SKAP2: variants seen among roughly 807,000 people sequenced by gnomAD.
SKAP2 encodes src kinase-associated phosphoprotein 2.
A neutral mutation model predicts 54.9 loss-of-function variants in SKAP2; 28 were observed. The observed-to-expected ratio is 0.51, with a 90% CI of 0.38 to 0.70. The LOEUF is 0.70. Ranked by LOEUF, SKAP2 falls within the 30% of genes least tolerant of loss-of-function variation. The probability of loss-of-function intolerance (pLI) is 0.00; values close to 1 mark genes in which losing one functional copy is unlikely to be tolerated. For synonymous variants in SKAP2, 137 were observed against 134.3 expected, an observed-to-expected ratio of 1.02 and a Z score of -0.14; for missense variants, 356 against 424.1, an observed-to-expected ratio of 0.84 and a Z score of 1.41.
intron 1 of SKAP2, among the ~76,000 whole-genome samples, chr7:26,855,367 A>G (rs1299854035): frequency 6.6e-6 from 1 of 152,068 alleles, no homozygotes; most frequent in Non-Finnish European, 1.5e-5. Context: ...ATCAATTTTC[A>G]GGTATATCCA....
At chr7:26,704,865 C>T (rs933338149) in intron 9 of SKAP2, among the ~76,000 whole-genome samples, 1 of 152,124 alleles carries the variant, frequency 6.6e-6, no homozygotes, top group African/African-American at 2.4e-5. Flanking sequence ...AGTTTTGGCC[C>T]CCTAAAGGGA....
At chr7:26,817,016 C>T (rs1009480302) in intron 4 of SKAP2, among the ~76,000 whole-genome samples, 4 of 152,090 alleles carry the variant, frequency 2.6e-5, no homozygotes, top group African/African-American at 9.7e-5. Flanking sequence ...ACACCTAACT[C>T]ACTTTTCCTC....
intron 11 of SKAP2, among the ~76,000 whole-genome samples, chr7:26,683,689 G>A (rs1304145938): frequency 2.0e-5 from 3 of 152,052 alleles, no homozygotes; most frequent in Admixed American, 6.6e-5. Flanking sequence ...CCAAGAATTA[G>A]ATTATCATCA....
At position 26,743,446 on chromosome 7, in the gene SKAP2, T is replaced by C. The variant is rs537367766; in HGVS notation, c.308-3482A>G. The stretch of plus-strand genomic sequence containing the variant: ...ACAAGTTAAGCATTGTAGCTACTTC[T>C]AAAGCAGTTAAAAGATTTCCCTTTA... On this transcript the variant is annotated intron_variant, in intron 4 of 12. Coordinates refer to ENST00000345317, the MANE Select transcript of SKAP2 (RefSeq NM_003930.5). Among the ~76,000 whole-genome samples, 24 of 152,274 alleles carry C rather than the reference T, an allele frequency of 1.6e-4. No homozygotes were observed. The South Asian group carries it at 3.7e-3, about 24-fold the overall frequency.
At chr7:26,737,281 C>A (rs944499668) in intron 6 of SKAP2, among the ~76,000 whole-genome samples, 8 of 152,192 alleles carry the variant, frequency 5.3e-5, no homozygotes, top group Non-Finnish European at 8.8e-5. Context: ...AACTTGGACT[C>A]TAAATTTTCT....
chr7:26,838,805 G>C (rs1784763913), intron 4 of SKAP2, among the ~76,000 whole-genome samples: 1 of 152,132 alleles, frequency 6.6e-6, no homozygotes, highest in African/African-American at 2.4e-5. Context: ...GAATATTGTA[G>C]CACGTAGTAT....
intron 9 of SKAP2, among the ~76,000 whole-genome samples, chr7:26,699,320 C>T (rs1786971410): frequency 6.6e-6 from 1 of 152,098 alleles, no homozygotes. Flanking sequence ...TCACAATAAA[C>T]TGAATGTAGA....
At chr7:26,684,385 C>T (rs1786582551) in intron 11 of SKAP2, among the ~76,000 whole-genome samples, 1 of 151,956 alleles carries the variant, frequency 6.6e-6, no homozygotes, top group Admixed American at 6.6e-5. Context: ...AATAAGCACA[C>T]AGAAGAATAA....
chr7:26,690,634 C>T (rs1727548103), intron 9 of SKAP2, among the ~76,000 whole-genome samples: 1 of 152,294 alleles, frequency 6.6e-6, no homozygotes, highest in East Asian at 1.9e-4. Flanking sequence ...CAAATAGCAA[C>T]CTTTCCAACT....
In SKAP2 at chr7:26,850,053, T is replaced by C. The variant is rs900099001; in HGVS notation, c.199+4084A>G. On this transcript the variant is annotated intron_variant, in intron 3 of 12. Transcript: ENST00000345317. Reference sequence around the variant, plus strand: ...ATTTTTTTATCATGTACTTAATATATACAGTATTAGAAAATTCTTATTAGT... The same window carrying C: ...ATTTTTTTATCATGTACTTAATATACACAGTATTAGAAAATTCTTATTAGT... Among the ~76,000 whole-genome samples the C allele has an allele frequency of 2.6e-5, 4 of 152,178 alleles. No homozygotes were observed. In the East Asian group the frequency reaches 7.7e-4, roughly 29 times the overall value.
At chr7:26,696,445 A>C (rs1273941712) in intron 9 of SKAP2, among the ~76,000 whole-genome samples, 2 of 152,228 alleles carry the variant, frequency 1.3e-5, no homozygotes, top group Non-Finnish European at 2.9e-5. Context: ...AAGTAGGAAG[A>C]GTAAGTCTAT....
At position 26,693,286 on chromosome 7, in the gene SKAP2, C is replaced by T. The variant is rs1018865350; in HGVS notation, c.797-2924G>A. Among the ~76,000 whole-genome samples the T allele has an allele frequency of 1.5e-4, 21 of 138,954 alleles. 1 individual carries two copies. The East Asian group carries it at 4.8e-3, about 32-fold the overall frequency. The allele number at this position is 138,954 out of a possible 152,430, so 91.2% of individuals were successfully genotyped here. On this transcript the variant is annotated intron_variant, in intron 9 of 12. Transcript: ENST00000345317. ...GGCGGAGGTTGCAATGAGCTGAGAT[C>T]GCGCCACTGCACTCCAGTCTGGGCG...
At chr7:26,795,734 T>C (rs1295860936) in intron 4 of SKAP2, among the ~76,000 whole-genome samples, 1 of 152,212 alleles carries the variant, frequency 6.6e-6, no homozygotes, top group Admixed American at 6.5e-5. Context: ...GAGTACTGTT[T>C]GAGAAACTTA....
At chr7:26,850,166 T>C (rs1562635325) in intron 3 of SKAP2, among the ~76,000 whole-genome samples, 3 of 152,214 alleles carry the variant, frequency 2.0e-5, no homozygotes, top group Non-Finnish European at 4.4e-5. Context: ...CCTTGTTATG[T>C]GATAGAGAAC....
At chr7:26,834,280 A>G (rs1784661088) in intron 4 of SKAP2, among the ~76,000 whole-genome samples, 1 of 152,220 alleles carries the variant, frequency 6.6e-6, no homozygotes, top group East Asian at 1.9e-4. Context: ...CACATCTAAA[A>G]GAACTAGAGA....
intron 4 of SKAP2, among the ~76,000 whole-genome samples, chr7:26,825,746 AAATC>A (rs1308426712): frequency 6.6e-6 from 1 of 152,158 alleles, no homozygotes; most frequent in Non-Finnish European, 1.5e-5. Flanking sequence ...TTCTCTCTAT[AAATC>A]AATTCAAAAT....
chr7:26,858,217 T>A (rs543796843), intron 1 of SKAP2: 1 of 151,692 alleles, frequency 6.6e-6, no homozygotes, highest in East Asian at 2.0e-4. Flanking sequence ...GGCAGCCAAA[T>A]AGACTGCAGA....
chr7:26,855,368 G>T (rs1333264436), intron 1 of SKAP2, among the ~76,000 whole-genome samples: 4 of 151,934 alleles, frequency 2.6e-5, no homozygotes, highest in Non-Finnish European at 5.9e-5. Flanking sequence ...TCAATTTTCA[G>T]GTATATCCAA....
At chr7:26,794,671 C>T (rs1448378397) in intron 4 of SKAP2, among the ~76,000 whole-genome samples, 1 of 152,144 alleles carries the variant, frequency 6.6e-6, no homozygotes, top group African/African-American at 2.4e-5. Flanking sequence ...TTGTCTAGCC[C>T]ACCACCATTA....
Sources: allele counts gnomAD v4.1 joint callset (sites outside exome capture counted in the v4.1 genomes callset), GRCh38; gene constraint gnomAD v4.1.1; transcripts MANE v1.5; gene names NCBI Gene and HGNC (gene_info 2026-07-23, HGNC 2026-07-21).